The following GRIK5 variants were observed in gnomAD, a reference collection of about 807,000 sequenced individuals.
GRIK5 encodes glutamate ionotropic receptor kainate type subunit 5.
GRIK5 carries 43 observed loss-of-function variants against 97.4 expected under a neutral mutation model. The ratio of observed to expected loss-of-function variants is 0.44; its 90% CI spans 0.35 to 0.57. The LOEUF is 0.57. Ranked by LOEUF, GRIK5 falls within the 20% of genes least tolerant of loss-of-function variation. The probability of loss-of-function intolerance (pLI) is 0.01; values close to 1 mark genes in which losing one functional copy is unlikely to be tolerated. For missense variants in GRIK5, 1,015 were observed against 1,382.0 expected (o/e 0.73, Z 4.21); for synonymous variants, 580 against 583.5 (o/e 0.99, Z 0.09).
rs782244886 is a variant in GRIK5 at position 42,005,709 on chromosome 19, G to T, written c.2263+14C>A. ...CCACGGCCCTGCTGTGTTCCACACC[G>T]TGCTGTGCCGTACCCAGCGGCATGC... On this transcript the variant is annotated intron_variant, in intron 17 of 19. Coordinates refer to ENST00000593562, the MANE Select transcript of GRIK5 (RefSeq NM_002088.5). The T allele has an allele frequency of 1.3e-6, 2 of 1,578,594 alleles. No homozygotes were observed. Among genetic ancestry groups the T allele is most frequent in the South Asian group, 1.1e-5 (1 of 90,072 alleles).
intron 1 of GRIK5, chr19:42,068,408 G>C: frequency 4.0e-6 from 1 of 252,338 alleles, no homozygotes; most frequent in Non-Finnish European, 7.5e-6. Context: ...AGTCGGGAGA[G>C]AGAATGGGAG....
chr19:42,002,350 T>C lies in GRIK5; in HGVS notation c.2514+982A>G, dbSNP rs551542436. ...GGAGAAATGACAGCATATTTGTACG[T>C]TGGTGGCCTGAATCCAATAAAGAGA... On this transcript the variant is annotated intron_variant, in intron 19 of 19. Coordinates refer to ENST00000593562, the MANE Select transcript of GRIK5 (RefSeq NM_002088.5). This position sits in a 1 kb window ranked among gnomAD's most constrained non-coding sequence, Gnocchi z 5.2. 1.2e-4 allele frequency: 86 copies of C among 717,578 alleles called. 3 individuals are homozygous for C. The highest frequency in any genetic ancestry group is 1.2e-3 in the South Asian group (79 of 67,604). The allele number at this position is 717,578 out of a possible 1,614,324, so 44.5% of individuals were successfully genotyped here.
chr19:42,016,920 T>C (rs914382393), intron 15 of GRIK5, among the ~76,000 whole-genome samples: 1 of 151,948 alleles, frequency 6.6e-6, no homozygotes, highest in African/African-American at 2.4e-5. Flanking sequence ...AACTCCTTGG[T>C]ACATTAAAAA....
In GRIK5 at chr19:41,999,814, C is replaced by A. The variant is rs1555870543; in HGVS notation, c.2515-515G>T. 6.6e-6 allele frequency among the ~76,000 whole-genome samples: 1 copy of A among 152,130 alleles called. No individual in the cohort carries two copies. The highest frequency in any genetic ancestry group is 2.4e-5 in the African/African-American group (1 of 41,396). On this transcript the variant is annotated intron_variant, in intron 19 of 19. Coordinates refer to ENST00000593562, the MANE Select transcript of GRIK5 (RefSeq NM_002088.5). The surrounding 1 kb of genome is among the most constrained non-coding windows in gnomAD (Gnocchi z 5.0). ...ACAGACATGTATGTAGTGTGTTAGG[C>A]GTGGTGAGTGCTTTGGAAAGAAAGA...
intron 11 of GRIK5, among the ~76,000 whole-genome samples, chr19:42,051,784 G>A (rs1369300268): frequency 1.3e-5 from 2 of 152,162 alleles, no homozygotes; most frequent in East Asian, 1.9e-4. Flanking sequence ...CACAGAGGCT[G>A]TTGCCTCCCT....
chr19:42,067,829 G>A (rs1415386015), intron 1 of GRIK5, among the ~76,000 whole-genome samples: 2 of 152,202 alleles, frequency 1.3e-5, no homozygotes, highest in Non-Finnish European at 2.9e-5. Flanking sequence ...AGGAGACAGA[G>A]ACAGGGCAGG....
At chr19:42,039,040 T>C (rs553910173) in intron 12 of GRIK5, among the ~76,000 whole-genome samples, 1 of 152,222 alleles carries the variant, frequency 6.6e-6, no homozygotes, top group African/African-American at 2.4e-5. Flanking sequence ...GCCCTGGTGC[T>C]CTTTAGCCCT....
intron 15 of GRIK5, among the ~76,000 whole-genome samples, chr19:42,012,226 GTA>G (rs1329453523): frequency 6.7e-6 from 1 of 149,358 alleles, no homozygotes; most frequent in Admixed American, 6.6e-5. Flanking sequence ...ACATGTATGT[GTA>G]TGTATGTATG....
At chr19:42,010,693 C>T (rs2075550942) in intron 15 of GRIK5, among the ~76,000 whole-genome samples, 2 of 152,214 alleles carry the variant, frequency 1.3e-5, no homozygotes. Flanking sequence ...GTAAAAGAAA[C>T]ACAACACCAG....
rs1287053065 is a variant in GRIK5 at position 42,001,074 on chromosome 19, C to T, written c.2515-1775G>A. Among the ~76,000 whole-genome samples the T allele has an allele frequency of 2.0e-5, 3 of 152,062 alleles. No homozygotes were observed. The East Asian group carries it at 5.8e-4, about 29-fold the overall frequency. ...CCCCCTTTACCTAACTCTCACATAC[C>T]AAGCCAATATTCTTCCTGACCTAAA... On this transcript the variant is annotated intron_variant, in intron 19 of 19. Transcript: ENST00000593562.
chr19:42,032,098 G>A (rs1262041056), intron 12 of GRIK5, among the ~76,000 whole-genome samples: 1 of 152,156 alleles, frequency 6.6e-6, no homozygotes, highest in Non-Finnish European at 1.5e-5. Flanking sequence ...AGGCAACTAA[G>A]TGAGACGCCA....
Position 42,062,732 on chromosome 19 carries a change from G to T in GRIK5, c.342+26C>A, listed in dbSNP as rs200980578. 8.0e-4 allele frequency: 1,293 copies of T among 1,612,144 alleles called. 1 individual carries two copies. Among genetic ancestry groups the T allele is most frequent in the Non-Finnish European group, 9.6e-4 (1,134 of 1,178,226 alleles). On this transcript the variant is annotated intron_variant, in intron 4 of 19. Transcript: ENST00000593562. The surrounding 1 kb of genome is among the most constrained non-coding windows in gnomAD (Gnocchi z 5.3). ...CTCCCAGGGACCCGCTCCCCACAAA[G>T]CGCCGGCCCACACTCCCCATCTCAC...
chr19:41,998,553 G>C lies in GRIK5; in HGVS notation c.*318C>G, dbSNP rs2075399529. 1 of 155,780 alleles carries C rather than the reference G, an allele frequency of 6.4e-6. No homozygotes were observed. Among genetic ancestry groups the C allele is most frequent in the African/African-American group, 2.4e-5 (1 of 41,544 alleles). The allele number at this position is 155,780 out of a possible 1,614,324, so 9.6% of individuals were successfully genotyped here. A position where few individuals can be genotyped will look rare whatever the true frequency, so the allele number is the denominator to read the frequency against. On this transcript the variant is annotated 3_prime_UTR_variant, in exon 20 of 20. Transcript: ENST00000593562. ...GGCTGCGTCAAGTCTTGGGGAGCCT[G>C]AGCAGTCCCAGAATGGGGTCCTCTC...
At chr19:42,030,855 A>G (rs1213368231) in intron 12 of GRIK5, among the ~76,000 whole-genome samples, 1 of 152,054 alleles carries the variant, frequency 6.6e-6, no homozygotes, top group East Asian at 1.9e-4. Flanking sequence ...GCACTGACTC[A>G]ACTACTTCCT....
intron 12 of GRIK5, among the ~76,000 whole-genome samples, chr19:42,038,379 T>C (rs1421444055): frequency 1.3e-5 from 2 of 152,210 alleles, no homozygotes; most frequent in African/African-American, 4.8e-5. Flanking sequence ...CATCTGGAAG[T>C]CACTCACCAG....
At chr19:42,038,442 T>C (rs2075935550) in intron 12 of GRIK5, among the ~76,000 whole-genome samples, 1 of 152,252 alleles carries the variant, frequency 6.6e-6, no homozygotes. Flanking sequence ...TCACTAGCCA[T>C]GGGCCTGGAC....
chr19:42,019,419 A>G (rs1201132686), intron 15 of GRIK5, among the ~76,000 whole-genome samples: 1 of 152,148 alleles, frequency 6.6e-6, no homozygotes, highest in Non-Finnish European at 1.5e-5. Context: ...CCTCAATAGC[A>G]CATTTTATGT....
chr19:42,046,684 G>A (rs1409155792), intron 11 of GRIK5, among the ~76,000 whole-genome samples: 2 of 152,062 alleles, frequency 1.3e-5, no homozygotes, highest in Non-Finnish European at 2.9e-5. Flanking sequence ...ACAGAACAAC[G>A]TGTACAATAT....
In GRIK5 at chr19:42,022,558, T is replaced by C. The variant is rs1000734797; in HGVS notation, c.1474-204A>G. On this transcript the variant is annotated intron_variant, in intron 12 of 19. Transcript: ENST00000593562. The surrounding 1 kb of genome is among the most constrained non-coding windows in gnomAD (Gnocchi z 4.2). Reference sequence around the variant, plus strand: ...GACCCTCATCGCATGTCCATCCTCATCATCTCACGTCTCCAGACACACTGA... The same window carrying C: ...GACCCTCATCGCATGTCCATCCTCACCATCTCACGTCTCCAGACACACTGA... The C allele has an allele frequency of 3.0e-6, 3 of 985,056 alleles. No homozygotes were observed. Among genetic ancestry groups the C allele is most frequent in the Admixed American group, 6.2e-5 (1 of 16,246 alleles). 61.0% of individuals were successfully genotyped at this position (985,056 alleles called of 1,614,324 possible).
Sources: allele counts gnomAD v4.1 joint callset (sites outside exome capture counted in the v4.1 genomes callset), GRCh38; gene constraint gnomAD v4.1.1; non-coding constraint Gnocchi (gnomAD v3.1); transcripts MANE v1.5; gene names NCBI Gene and HGNC (gene_info 2026-07-23, HGNC 2026-07-21).